PRKG2: variants seen among roughly 807,000 people sequenced by gnomAD.
The protein encoded by PRKG2 is protein kinase cGMP-dependent 2.
A neutral mutation model predicts 97.2 loss-of-function variants in PRKG2; 33 were observed. That is an observed-to-expected ratio of 0.34 (90% CI 0.26 to 0.45). The LOEUF (loss-of-function observed/expected upper bound fraction) is 0.45. Among genes scored for constraint, PRKG2 ranks in the 20% least tolerant of loss-of-function variants. The pLI is 1.00. For synonymous variants in PRKG2, 330 were observed against 321.8 expected (o/e 1.03, Z -0.27); for missense variants, 638 against 900.0 (o/e 0.71, Z 3.73).
chr4:81,195,294 C>T (rs1752889385), intron 2 of PRKG2, among the ~76,000 whole-genome samples: 1 of 152,192 alleles, frequency 6.6e-6, no homozygotes, highest in Non-Finnish European at 1.5e-5. Context: ...TCCTCTCCCT[C>T]CTCCCAGCAT....
At chr4:81,206,266 T>C (rs1281233032) in intron 1 of PRKG2, among the ~76,000 whole-genome samples, 1 of 152,212 alleles carries the variant, frequency 6.6e-6, no homozygotes, top group South Asian at 2.1e-4. Context: ...TGATATCATT[T>C]GGCTGTGTCC....
chr4:81,092,318 T>A, intron 18 of PRKG2, 68 bp downstream of exon 18: 1 of 1,081,994 alleles, frequency 9.2e-7, no homozygotes, highest in South Asian at 1.6e-5. Context: ...CATACACACA[T>A]CTAAAATCTG....
chr4:81,192,491 T>A (rs1445827358), intron 2 of PRKG2, among the ~76,000 whole-genome samples: 1 of 152,220 alleles, frequency 6.6e-6, no homozygotes, highest in Non-Finnish European at 1.5e-5. Context: ...ATATCAGGTC[T>A]GGCACTACCT....
chr4:81,144,488 G>T (rs1485764953), intron 9 of PRKG2, among the ~76,000 whole-genome samples, 158 bp from the exon 10 acceptor site: 15 of 151,782 alleles, frequency 9.9e-5, no homozygotes, highest in South Asian at 8.3e-4. Context: ...ATATGTACAA[G>T]GGTTATTAAA....
At chr4:81,171,547 C>T in intron 4 of PRKG2, 144 bp downstream of exon 4, 1 of 556,946 alleles carries the variant, frequency 1.8e-6, no homozygotes, top group Non-Finnish European at 2.9e-6. Context: ...GTATAAATCC[C>T]TTAATAGGCA....
intron 2 of PRKG2, among the ~76,000 whole-genome samples, chr4:81,186,046 CA>C (rs774511638): frequency 6.6e-6 from 1 of 152,108 alleles, no homozygotes; most frequent in Non-Finnish European, 1.5e-5. Context: ...GCCCCACTGT[CA>C]ATATTAGACA....
At chr4:81,100,423 A>G (rs1165831474) in intron 17 of PRKG2, among the ~76,000 whole-genome samples, 1 of 152,170 alleles carries the variant, frequency 6.6e-6, no homozygotes, top group East Asian at 1.9e-4. Context: ...ATCTACAACC[A>G]TCTGATCTTT....
At chr4:81,167,138 T>G in intron 6 of PRKG2, 23 bp downstream of exon 6, 1 of 1,482,236 alleles carries the variant, frequency 6.7e-7, no homozygotes, top group Non-Finnish European at 9.3e-7. Flanking sequence ...ATGAAATTTA[T>G]TTTTTACTTC....
At chr4:81,176,635 G>A (rs903811158) in intron 2 of PRKG2, among the ~76,000 whole-genome samples, 3 of 152,042 alleles carry the variant, frequency 2.0e-5, no homozygotes, top group African/African-American at 7.2e-5. Flanking sequence ...TATGTTCCAA[G>A]AACACTGTTT....
rs192327900 is a variant in PRKG2 at position 81,167,474 on chromosome 4, A to G, written c.849-250T>C. ...AAATAGTAAGATACCAGACAGGGGG[A>G]AAAAAATCACATTTTGTCTATTTGG... On this transcript the variant is annotated intron_variant, in intron 5 of 18. Transcript: ENST00000264399. 2.6e-4 allele frequency among the ~76,000 whole-genome samples: 32 copies of G among 121,690 alleles called. 1 individual carries two copies. In the East Asian group the frequency reaches 6.6e-3, roughly 25 times the overall value. The allele number at this position is 121,690 out of a possible 152,430, so 79.8% of individuals were successfully genotyped here.
At chr4:81,195,816 A>G (rs2110118866) in intron 2 of PRKG2, among the ~76,000 whole-genome samples, 1 of 152,268 alleles carries the variant, frequency 6.6e-6, no homozygotes, top group East Asian at 1.9e-4. Flanking sequence ...TATGAATAAC[A>G]CTGCTATAAG....
intron 1 of PRKG2, among the ~76,000 whole-genome samples, chr4:81,208,079 C>G (rs1753775414): frequency 6.6e-6 from 1 of 152,146 alleles, no homozygotes. Flanking sequence ...AGATAAAGAT[C>G]AGAATTTAAC....
At chr4:81,170,728 CAAGTA>C (rs1190836870) in intron 4 of PRKG2, among the ~76,000 whole-genome samples, 1 of 152,038 alleles carries the variant, frequency 6.6e-6, no homozygotes, top group Admixed American at 6.6e-5. Flanking sequence ...TAAAGAAAAG[CAAGTA>C]AAGTAATCCC....
chr4:81,092,475 A>AGGAAGGAAGGAAGGAAGGAG, intron 17 of PRKG2, 23 bp from the exon 18 acceptor site: 1 of 816,300 alleles, frequency 1.2e-6, no homozygotes, highest in Non-Finnish European at 2.0e-6. Context: ...AAAGGAAGGA[A>AGGAAGGAAGGAAGGAAGGAG]GGAAGGAAGG....
chr4:81,162,825 G>A (rs190969856), intron 6 of PRKG2, among the ~76,000 whole-genome samples: 5 of 152,098 alleles, frequency 3.3e-5, no homozygotes, highest in African/African-American at 9.7e-5. Flanking sequence ...GATTGTGTTC[G>A]AAGTTCCTAT....
At position 81,105,847 on chromosome 4, in the gene PRKG2, G is replaced by C. The variant is rs867510159; in HGVS notation, c.2029C>G (p.Arg677Gly). 2 of 1,613,836 alleles carry C rather than the reference G, an allele frequency of 1.2e-6. No individual in the cohort carries two copies. Among genetic ancestry groups the C allele is most frequent in the Non-Finnish European group, 1.7e-6 (2 of 1,179,826 alleles). ...CTCCGAATCAAATCCTCAGGTCGTC[G>C]TGTTATCTTCCTGGGAAAATCCATT... ...EKMDFPRKIT[R>G]RPEDLIRRLC... Residue 677 changes from arginine to glycine, a missense_variant, in exon 16 of 19, where the codon CGA (arginine) becomes GGA (glycine). This residue lies in a region of PRKG2 where 304 missense variants were observed against 460.5 expected (regional missense o/e 0.66). Coordinates refer to ENST00000264399, the MANE Select transcript of PRKG2 (RefSeq NM_006259.3).
chr4:81,139,898 C>A (rs1414478669), intron 12 of PRKG2, among the ~76,000 whole-genome samples: 1 of 152,082 alleles, frequency 6.6e-6, no homozygotes, highest in Non-Finnish European at 1.5e-5. Context: ...AGAGTGGGGC[C>A]TCCTCCACCT....
chr4:81,099,860 C>A (rs1215928366), intron 17 of PRKG2, among the ~76,000 whole-genome samples: 2 of 152,172 alleles, frequency 1.3e-5, no homozygotes, highest in Non-Finnish European at 2.9e-5. Context: ...GCAACTTCAG[C>A]AAAGTCTCAG....
At chr4:81,201,949 C>T (rs911749532) in intron 2 of PRKG2, among the ~76,000 whole-genome samples, 2 of 152,044 alleles carry the variant, frequency 1.3e-5, no homozygotes, top group African/African-American at 2.4e-5. Context: ...CAGATTTAGC[C>T]ATAAATTCAG....
Sources: gnomAD v4.1 joint callset for allele counts (sites outside exome capture counted in the v4.1 genomes callset) on GRCh38, gnomAD v4.1.1 for gene constraint, gnomAD v4.1.1 regional missense constraint, MANE v1.5 for transcripts, NCBI Gene and HGNC (gene_info 2026-07-23, HGNC 2026-07-21) for gene names.